Variants in ASPH observed in about 807,000 individuals in gnomAD.
ASPH encodes the protein aspartyl/asparaginyl beta-hydroxylase.
In ASPH, 100 loss-of-function variants were observed where a neutral mutation model predicts 118.4. The observed-to-expected ratio is 0.84, with a 90% CI of 0.72 to 1.00. The LOEUF (loss-of-function observed/expected upper bound fraction) is 1.00. Among genes scored for constraint, ASPH ranks in the 50% least tolerant of loss-of-function variants. The probability of loss-of-function intolerance (pLI) is 0.00; values close to 1 mark genes in which losing one functional copy is unlikely to be tolerated. For synonymous variants in ASPH, 315 were observed against 325.6 expected, an observed-to-expected ratio of 0.97 and a Z score of 0.35; for missense variants, 920 against 919.5, an observed-to-expected ratio of 1.00 and a Z score of -0.01.
chr8:61,650,383 A>C (rs1381970330), intron 5 of ASPH, among the ~76,000 whole-genome samples: 2 of 152,206 alleles, frequency 1.3e-5, no homozygotes, highest in Non-Finnish European at 2.9e-5. Flanking sequence ...ACACCAAAGC[A>C]TCAGGAGAAT....
At chr8:61,507,528 T>C (rs926431975) in intron 24 of ASPH, among the ~76,000 whole-genome samples, 1 of 152,160 alleles carries the variant, frequency 6.6e-6, no homozygotes, top group Admixed American at 6.5e-5. Context: ...TTATTAGAGA[T>C]AGAATGACTA....
intron 3 of ASPH, among the ~76,000 whole-genome samples, chr8:61,672,739 T>C (rs1823250518): frequency 6.6e-6 from 1 of 152,190 alleles, no homozygotes. Context: ...CAGGGTCATC[T>C]CAACAAATAA....
rs544581180 is a variant in ASPH at position 61,525,178 on chromosome 8, TG to T, written c.1900+798del. ...TTAGATGCATATTACAATCTGAATTTGTTTTCTGTAGCTGAAGATATGCAGC... is the reference window on the plus strand; with the variant it reads ...TTAGATGCATATTACAATCTGAATTTTTTTCTGTAGCTGAAGATATGCAGC... On this transcript the variant is annotated intron_variant, in intron 22 of 24. Transcript: ENST00000379454. 5.6e-4 allele frequency among the ~76,000 whole-genome samples: 86 copies of T among 152,340 alleles called. 1 individual carries two copies. In the Middle Eastern group the frequency reaches 0.027, roughly 48 times the overall value.
rs1832023625 is a variant in ASPH at position 61,567,267 on chromosome 8, C to T, written c.1201G>A (p.Ala401Thr). The change falls in exon 17 of 25, where the codon GCC becomes ACC. Residue 401 changes from alanine to threonine, a missense_variant. Physicochemically the swap from Ala to Thr is moderately conservative, Grantham distance 58. Transcript: ENST00000379454. ...GCCACCTCTTGGTAGGTCTCGATGG[C>T]TCCACGTAGCACCTCATTACTTCTC... ...KRRSNEVLRG[A>T]IETYQEVASL... is the part of the protein sequence containing the mutation. 1 of 1,613,986 alleles carries T rather than the reference C, an allele frequency of 6.2e-7. No individual in the cohort carries two copies. The highest frequency in any genetic ancestry group is 8.5e-7 in the Non-Finnish European group (1 of 1,180,020).
intron 3 of ASPH, among the ~76,000 whole-genome samples, chr8:61,667,905 A>G (rs555847314): frequency 1.4e-4 from 22 of 152,326 alleles, no homozygotes; most frequent in Admixed American, 1.2e-3. Context: ...GAAAGGTTTT[A>G]GGGAACAAGG....
intron 18 of ASPH, among the ~76,000 whole-genome samples, chr8:61,562,389 C>CTCTGTGTGTGTGTGTGTGTGTG (rs71257370): frequency 9.3e-5 from 12 of 128,988 alleles, no homozygotes; most frequent in Admixed American, 5.7e-4. Context: ...GAAAGTGTGT[C>CTCTGTGTGTGTGTGTGTGTGTG]TGTGTGTGTG....
At chr8:61,683,517 A>C (rs1386927740) in intron 2 of ASPH, 1 of 152,358 alleles carries the variant, frequency 6.6e-6, no homozygotes, top group Admixed American at 6.6e-5. Flanking sequence ...CACACACACA[A>C]TAATATCTAC....
At chr8:61,665,457 A>G (rs1256229705) in intron 3 of ASPH, 11 of 1,577,892 alleles carry the variant, frequency 7.0e-6, no homozygotes, top group Non-Finnish European at 8.6e-6. Flanking sequence ...CCCTTAGGAG[A>G]CTCCTTCCTG....
At chr8:61,526,242 T>A in intron 21 of ASPH, 130 bp from the exon 22 acceptor site, 1 of 1,252,626 alleles carries the variant, frequency 8.0e-7, no homozygotes, top group Non-Finnish European at 1.1e-6. Context: ...TTGCTTATAT[T>A]TCAATTTCCT....
intron 6 of ASPH, among the ~76,000 whole-genome samples, chr8:61,644,912 G>A (rs1158386644): frequency 6.6e-6 from 1 of 152,134 alleles, no homozygotes; most frequent in Non-Finnish European, 1.5e-5. Context: ...ACACAGGCCA[G>A]ACCAGGAAAG....
intron 1 of ASPH, among the ~76,000 whole-genome samples, chr8:61,698,004 G>A (rs1327437387): frequency 6.6e-6 from 1 of 151,938 alleles, no homozygotes; most frequent in African/African-American, 2.4e-5. Context: ...TTGCTTTGTT[G>A]CCCACGCTGG....
chr8:61,550,441 A>G (rs969054295), intron 20 of ASPH, among the ~76,000 whole-genome samples: 1 of 93,690 alleles, frequency 1.1e-5, no homozygotes, highest in African/African-American at 4.2e-5. Context: ...GCACATGTAC[A>G]TACACACACA....
intron 3 of ASPH, chr8:61,659,399 C>T (rs887650175): frequency 1.3e-5 from 2 of 152,072 alleles, no homozygotes; most frequent in African/African-American, 4.8e-5. Context: ...TAATAGGACA[C>T]AAGAGAAGTG....
At chr8:61,696,290 C>T (rs1833915516) in intron 1 of ASPH, among the ~76,000 whole-genome samples, 1 of 152,182 alleles carries the variant, frequency 6.6e-6, no homozygotes, top group Non-Finnish European at 1.5e-5. Flanking sequence ...ATTGAGAAAG[C>T]TGCTTGCATT....
At chr8:61,664,760 G>A in intron 3 of ASPH, 5 of 986,462 alleles carry the variant, frequency 5.1e-6, no homozygotes, top group Non-Finnish European at 2.4e-6. Context: ...CTGGAGAGGA[G>A]GGAAGGTGGT....
chr8:61,643,589 A>AGCTT (rs1806353947), intron 8 of ASPH, among the ~76,000 whole-genome samples, 156 bp from the exon 9 acceptor site: 5 of 152,254 alleles, frequency 3.3e-5, no homozygotes, highest in African/African-American at 1.2e-4. Context: ...AACGTTCCAC[A>AGCTT]ATTTGATGCC....
At chr8:61,601,471 C>T (rs868828400) in intron 14 of ASPH, among the ~76,000 whole-genome samples, 5 of 149,566 alleles carry the variant, frequency 3.3e-5, no homozygotes, top group Admixed American at 2.7e-4. Flanking sequence ...ACCCAGGAGG[C>T]GGAGGTTGCA....
intron 17 of ASPH, among the ~76,000 whole-genome samples, chr8:61,566,303 G>A (rs1176792497): frequency 6.6e-6 from 1 of 152,206 alleles, no homozygotes; most frequent in Non-Finnish European, 1.5e-5. Flanking sequence ...GAAATAGCAA[G>A]ATAACTAGAA....
At chr8:61,665,311 A>G (rs1325650798) in intron 3 of ASPH, 2 of 1,613,052 alleles carry the variant, frequency 1.2e-6, no homozygotes, top group African/African-American at 2.7e-5. Context: ...TAGAACTTCT[A>G]CTTTCCTTTC....
Sources: gnomAD v4.1 joint callset for allele counts (sites outside exome capture counted in the v4.1 genomes callset) on GRCh38, gnomAD v4.1.1 for gene constraint, MANE v1.5 for transcripts, NCBI Gene and HGNC (gene_info 2026-07-23, HGNC 2026-07-21) for gene names.